The following UNC79 variants were observed in gnomAD, a reference collection of about 807,000 sequenced individuals.
UNC79 encodes protein unc-79 homolog.
UNC79 carries 37 observed loss-of-function variants against 283.1 expected under a neutral mutation model. The ratio of observed to expected loss-of-function variants is 0.13; its 90% CI spans 0.10 to 0.17. UNC79 has a LOEUF of 0.17. Among genes scored for constraint, UNC79 ranks in the 10% least tolerant of loss-of-function variants. The pLI is 1.00. For missense variants in UNC79, 2,272 were observed against 3,211.1 expected (o/e 0.71, Z 7.07); for synonymous variants, 1,107 against 1,200.2 (o/e 0.92, Z 1.61).
intron 30 of UNC79, among the ~76,000 whole-genome samples, chr14:93,625,775 G>T (rs2067526194): frequency 6.6e-6 from 1 of 152,078 alleles, no homozygotes; most frequent in Admixed American, 6.5e-5. Context: ...TCCCTTTTTA[G>T]ATTTGCTTGG....
chr14:93,596,432 C>T (rs535759032), intron 23 of UNC79, among the ~76,000 whole-genome samples: 2 of 152,236 alleles, frequency 1.3e-5, no homozygotes, highest in Admixed American at 6.5e-5. Flanking sequence ...GTCAGGAGTT[C>T]GAGACCAGCC....
At chr14:93,449,683 A>G (rs879661337) in intron 1 of UNC79, among the ~76,000 whole-genome samples, 6 of 152,098 alleles carry the variant, frequency 3.9e-5, no homozygotes, top group Non-Finnish European at 8.8e-5. Context: ...AACAATGACA[A>G]TATGCATATT....
chr14:93,614,632 G>GT (rs1301129599), intron 27 of UNC79, among the ~76,000 whole-genome samples: 2 of 138,212 alleles, frequency 1.4e-5, no homozygotes, highest in African/African-American at 5.9e-5. Flanking sequence ...GTTTGTGTGT[G>GT]TTTAAAAAAA....
chr14:93,624,252 TA>T (rs1325764389), intron 30 of UNC79, among the ~76,000 whole-genome samples: 3 of 152,274 alleles, frequency 2.0e-5, no homozygotes, highest in African/African-American at 7.2e-5. Context: ...AAACGCGCTG[TA>T]AAAATCTGTT....
At chr14:93,595,943 A>G (rs546303684) in intron 23 of UNC79, among the ~76,000 whole-genome samples, 3 of 152,270 alleles carry the variant, frequency 2.0e-5, no homozygotes, top group Admixed American at 1.3e-4. Flanking sequence ...ATATATATAT[A>G]TTTTAAAATA....
intron 24 of UNC79, among the ~76,000 whole-genome samples, chr14:93,598,409 T>TGTGTGTGTGTGG (rs1266068455): frequency 2.6e-5 from 1 of 38,904 alleles, no homozygotes; most frequent in African/African-American, 5.0e-5. Context: ...TGTGTGTGTG[T>TGTGTGTGTGTGG]GGCAGATTTT....
chr14:93,538,874 G>A (rs1437475551), intron 12 of UNC79, among the ~76,000 whole-genome samples: 2 of 150,446 alleles, frequency 1.3e-5, no homozygotes, highest in East Asian at 3.9e-4. Context: ...TACTCATAGA[G>A]GCAAGATTTT....
upstream of UNC79, among the ~76,000 whole-genome samples, chr14:93,426,766 G>A (rs1245654186): frequency 6.6e-6 from 1 of 151,618 alleles, no homozygotes; most frequent in African/African-American, 2.4e-5. Context: ...ATCATTATAA[G>A]CATTTTTTTT....
exon 34 of UNC79, chr14:93,643,661 C>T: frequency 6.2e-7 from 1 of 1,613,094 alleles, no homozygotes; most frequent in Non-Finnish European, 8.5e-7. Flanking sequence ...GACCTGGCAG[C>T]CCCGCTGCTG....
rs1313499815 is a variant in UNC79, at chr14:93,655,415, G to A, written c.6456+8G>A. 6.2e-7 allele frequency: 1 copy of A among 1,610,378 alleles called. No individual in the cohort carries two copies. The highest frequency in any genetic ancestry group is 8.5e-7 in the Non-Finnish European group (1 of 1,177,978). On this transcript the variant is annotated splice_region_variant and intron_variant, in intron 38 of 48. Transcript: ENST00000555664. ...TGTGTTTTACCTCTGAAGGTAAGCTGAGCCGAAGGTTTCATTTTCAATTAA... is the reference window on the plus strand; with the variant it reads ...TGTGTTTTACCTCTGAAGGTAAGCTAAGCCGAAGGTTTCATTTTCAATTAA...
intron 1 of UNC79, 102 bp from the exon 2 acceptor site, chr14:93,467,569 A>G: frequency 8.6e-7 from 1 of 1,165,310 alleles, no homozygotes; most frequent in South Asian, 4.3e-5. Flanking sequence ...TCATTTTTAA[A>G]AATGACTGTA....
At chr14:93,359,937 A>G (rs1434954920) in intron 1 of UNC79, among the ~76,000 whole-genome samples, 8 of 152,188 alleles carry the variant, frequency 5.3e-5, no homozygotes, top group Non-Finnish European at 2.9e-5. Flanking sequence ...GGAAAGGGAA[A>G]TGATCAGACA....
At chr14:93,613,222 G>A in intron 27 of UNC79, 139 bp downstream of exon 28, 1 of 1,134,234 alleles carries the variant, frequency 8.8e-7, no homozygotes. Context: ...TATGTGGAGG[G>A]GAATGTGAAC....
rs147151713 is a variant in UNC79 at position 93,463,271 on chromosome 14, A to G, written c.23-4400A>G. On this transcript the variant is annotated intron_variant, in intron 1 of 48. Transcript: ENST00000555664. ...TCGGAAAGTGCCTGATGGATTGGCA[A>G]TCTGGAGGCTCTAGATGATTGTGGG... Among the ~76,000 whole-genome samples, 872 of 152,204 alleles carry G rather than the reference A, an allele frequency of 5.7e-3. 20 individuals are homozygous for G. Among genetic ancestry groups the G allele is most frequent in the East Asian group, 0.042 (218 of 5,174 alleles).
At chr14:93,438,698 G>C (rs1464145781) in intron 1 of UNC79, among the ~76,000 whole-genome samples, 1 of 149,234 alleles carries the variant, frequency 6.7e-6, no homozygotes, top group Non-Finnish European at 1.5e-5. Flanking sequence ...CATTGCGTTA[G>C]ATCTTTTTCA....
intron 7 of UNC79, among the ~76,000 whole-genome samples, chr14:93,517,707 T>C (rs2060132756): frequency 6.6e-6 from 1 of 152,112 alleles, no homozygotes; most frequent in South Asian, 2.1e-4. Context: ...CTTTCTGTGC[T>C]TCATACTGAA....
At chr14:93,506,279 A>G (rs2059537385) in intron 7 of UNC79, among the ~76,000 whole-genome samples, 2 of 151,366 alleles carry the variant, frequency 1.3e-5, no homozygotes, top group South Asian at 4.2e-4. Context: ...CTGGAGTGCA[A>G]TGGCACGATC....
chr14:93,348,008 C>G, intron 1 of UNC79: 1 of 1,485,550 alleles, frequency 6.7e-7, no homozygotes, highest in African/African-American at 1.4e-5. Context: ...CTCAGCAGCG[C>G]GTGTCATCTT....
intron 30 of UNC79, 116 bp downstream of exon 32, chr14:93,622,957 A>G: frequency 7.4e-7 from 1 of 1,350,774 alleles, no homozygotes; most frequent in Non-Finnish European, 1.0e-6. Flanking sequence ...TCAGGGTGTG[A>G]CATTATAATG....
Sources: allele counts gnomAD v4.1 joint callset (sites outside exome capture counted in the v4.1 genomes callset), GRCh38; gene constraint gnomAD v4.1.1; transcripts MANE v1.5; gene names NCBI Gene and HGNC (gene_info 2026-07-23, HGNC 2026-07-21).